The following PIGZ variants were observed in gnomAD, a reference collection of about 807,000 sequenced individuals.
The protein encoded by PIGZ is phosphatidylinositol glycan anchor biosynthesis class Z (Gwada blood group).
In PIGZ, 16 loss-of-function variants were observed where a neutral mutation model predicts 16.4. The ratio of observed to expected loss-of-function variants is 0.97; its 90% CI spans 0.66 to 1.48. The LOEUF is 1.48. PIGZ is among the 40% of genes most tolerant of loss of function. PIGZ has a pLI of 0.00. For missense variants in PIGZ, 770 were observed against 739.2 expected (o/e 1.04, Z -0.48); for synonymous variants, 409 against 338.4 (o/e 1.21, Z -2.29).
At position 196,965,252 on chromosome 3, in the gene PIGZ, C is replaced by G. The variant is rs1717880458; in HGVS notation, c.-1+3435G>C. ...TGCTGGGGAAGTTTCAGGAAACTTA[C>G]AGTCATAGCGGAAGGGGAAGCAGGC... On this transcript the variant is annotated intron_variant, in intron 1 of 2. Coordinates refer to ENST00000412723, the MANE Select transcript of PIGZ (RefSeq NM_025163.4). The surrounding 1 kb of genome is among the most constrained non-coding windows in gnomAD (Gnocchi z 4.2). Among the ~76,000 whole-genome samples the G allele has an allele frequency of 1.3e-5, 2 of 152,132 alleles. No individual in the cohort carries two copies. The highest frequency in any genetic ancestry group is 4.8e-5 in the African/African-American group (2 of 41,408).
chr3:196,962,475 G>A (rs1463431379), intron 1 of PIGZ, among the ~76,000 whole-genome samples: 1 of 152,166 alleles, frequency 6.6e-6, no homozygotes, highest in East Asian at 1.9e-4. Flanking sequence ...TAAAAGGTCT[G>A]TGCTGAGGAG....
rs921386507 is a variant in PIGZ at position 196,951,744 on chromosome 3, C to T, written c.211+77G>A. The T allele has an allele frequency of 6.8e-5, 95 of 1,403,214 alleles. 1 individual carries two copies. The highest frequency in any genetic ancestry group is 3.7e-5 in the Non-Finnish European group (37 of 1,004,458). The allele number at this position is 1,403,214 out of a possible 1,614,324, so 86.9% of individuals were successfully genotyped here. ...CTCATCTACCCAGACATGCTACTCC[C>T]TCCCCACAAAGTCTCCCGTCAGCTT... On this transcript the variant is annotated intron_variant, in intron 2 of 2. Transcript: ENST00000412723.
In PIGZ at chr3:196,947,915, C is replaced by T. The variant is rs780172338; in HGVS notation, c.982G>A (p.Val328Met). Reference protein sequence around the residue: ...LAVNGFLLFGVLHAQALQAAW... With the variant: ...LAVNGFLLFGMLHAQALQAAW... ...GCCTGCAGGGCCTGGGCATGCAGCA[C>T]CCCGAAGAGCAGGAAGCCGTTGACT... Residue 328 changes from valine to methionine, a missense_variant, in exon 3 of 3, where the codon GTG becomes ATG. Coordinates refer to ENST00000412723, the MANE Select transcript of PIGZ (RefSeq NM_025163.4). The T allele has an allele frequency of 3.1e-6, 5 of 1,613,824 alleles. No homozygotes were observed. In the African/African-American group the frequency reaches 5.3e-5, roughly 17 times the overall value.
In PIGZ at chr3:196,946,466, G is replaced by T. The variant is rs1716880063; in HGVS notation, c.*691C>A. ...CAACACAACTCCCACTTCCATGCTT[G>T]AAGAGCTTTGTGAGAGCTGTGCCTG... On this transcript the variant is annotated 3_prime_UTR_variant, in exon 3 of 3. Transcript: ENST00000412723. The T allele has an allele frequency of 6.6e-6, 1 of 152,272 alleles. No individual in the cohort carries two copies. Among genetic ancestry groups the T allele is most frequent in the Non-Finnish European group, 1.5e-5 (1 of 68,064 alleles). The allele number at this position is 152,272 out of a possible 1,614,324, so 9.4% of individuals were successfully genotyped here. A position where few individuals can be genotyped will look rare whatever the true frequency, so the allele number is the denominator to read the frequency against.
chr3:196,959,019 G>A (rs528462347), intron 1 of PIGZ, among the ~76,000 whole-genome samples: 62 of 152,314 alleles, frequency 4.1e-4, no homozygotes, highest in African/African-American at 1.3e-3. Flanking sequence ...GAGTGGGAAC[G>A]GAGGATGCTA....
intron 1 of PIGZ, among the ~76,000 whole-genome samples, chr3:196,956,598 C>T (rs1400578544): frequency 6.6e-6 from 1 of 152,228 alleles, no homozygotes; most frequent in African/African-American, 2.4e-5. Flanking sequence ...AACCATATCA[C>T]AGACCTTCTC....
chr3:196,948,594 AC>A lies in PIGZ; in HGVS notation c.302del (p.Gly101ValfsTer20), dbSNP rs1479394909. 6.4e-7 allele frequency: 1 copy of A among 1,574,386 alleles called. No homozygotes were observed. Among genetic ancestry groups the A allele is most frequent in the Admixed American group, 1.9e-5 (1 of 53,448 alleles). On this transcript the variant is annotated frameshift_variant, in exon 3 of 3. Coordinates refer to ENST00000412723, the MANE Select transcript of PIGZ (RefSeq NM_025163.4). LOFTEE classifies it low-confidence loss of function (END_TRUNC). The part of the protein sequence containing the change: ...RSVLFPLLIS[G>X]STFWLLRLWE... ...AGAGCCTGAGCAGCCAGAAGGTGGA[AC>A]CAGAGATCAGCAGGGGGAAGAGCAC...
chr3:196,966,482 T>A (rs1717931625), intron 1 of PIGZ, among the ~76,000 whole-genome samples: 1 of 152,208 alleles, frequency 6.6e-6, no homozygotes, highest in African/African-American at 2.4e-5. Flanking sequence ...TGTTGTCTGA[T>A]TATTTCTCTG....
chr3:196,952,982 C>T (rs1577887949), intron 1 of PIGZ, among the ~76,000 whole-genome samples: 2 of 152,174 alleles, frequency 1.3e-5, no homozygotes, highest in Non-Finnish European at 1.5e-5. Context: ...CTCAGGCCGT[C>T]GGACTAGGAC....
At position 196,948,032 on chromosome 3, in the gene PIGZ, G is replaced by A. The variant is rs371171579; in HGVS notation, c.865C>T (p.Leu289Phe). Residue 289 changes from leucine (L) to phenylalanine (F), a missense_variant, in exon 3 of 3, where the codon CTT becomes TTT. By Grantham distance (22) the Leu-to-Phe change is conservative. Coordinates refer to ENST00000412723, the MANE Select transcript of PIGZ (RefSeq NM_025163.4). ...YFSSPATSRN[L>F]VLTPVNFLHY... ...AAGAAGTTGACAGGTGTCAGGACAA[G>A]GTTCCTGGATGTAGCGGGGCTGGAG... The A allele has an allele frequency of 4.8e-5, 77 of 1,594,812 alleles. No individual in the cohort carries two copies. The Admixed American group carries it at 1.0e-3, about 22-fold the overall frequency.
chr3:196,951,055 C>A (rs1385357800), intron 2 of PIGZ, among the ~76,000 whole-genome samples: 1 of 152,208 alleles, frequency 6.6e-6, no homozygotes, highest in Non-Finnish European at 1.5e-5. Context: ...TCCTTTGACT[C>A]TTTTTCTGGG....
At chr3:196,960,713 A>G (rs1211635842) in intron 1 of PIGZ, among the ~76,000 whole-genome samples, 4 of 148,052 alleles carry the variant, frequency 2.7e-5, no homozygotes. Flanking sequence ...GAAAGGAAGG[A>G]AGGAAAGAAA....
At position 196,947,167 on chromosome 3, in the gene PIGZ, TC is replaced by T; in HGVS notation, c.1729del (p.Glu577LysfsTer17). On this transcript the variant is annotated frameshift_variant, in exon 3 of 3. Transcript: ENST00000412723. LOFTEE classifies it high-confidence loss of function. ...TGCTCTGTCATATTGTCAGGTTTCTTCCCCCAGCTCCACAATGTGAAGACTG... is the reference window on the plus strand; with the variant it reads ...TGCTCTGTCATATTGTCAGGTTTCTTCCCCAGCTCCACAATGTGAAGACTG... ...HLSLHIVELG[E>X]ET is the part of the protein sequence containing the mutation. 1 of 1,547,948 alleles carries T rather than the reference TC, an allele frequency of 6.5e-7. No homozygotes were observed. The highest frequency in any genetic ancestry group is 8.7e-7 in the Non-Finnish European group (1 of 1,145,694).
intron 1 of PIGZ, among the ~76,000 whole-genome samples, chr3:196,959,549 G>A (rs1423450093): frequency 2.6e-5 from 4 of 151,796 alleles, no homozygotes; most frequent in Non-Finnish European, 4.4e-5. Context: ...TAATAAACAC[G>A]TTCATCTCTC....
intron 1 of PIGZ, among the ~76,000 whole-genome samples, chr3:196,960,985 T>C (rs981755361): frequency 1.2e-4 from 19 of 152,218 alleles, no homozygotes; most frequent in Non-Finnish European, 2.8e-4. Context: ...AAGTTGGTCA[T>C]TAAATGAGAG....
intron 1 of PIGZ, among the ~76,000 whole-genome samples, chr3:196,963,201 T>G (rs1164993988): frequency 6.6e-6 from 1 of 152,232 alleles, no homozygotes; most frequent in African/African-American, 2.4e-5. Flanking sequence ...TGCCCATTCA[T>G]CCATTGATGA....
chr3:196,950,646 G>A (rs572489698), intron 2 of PIGZ, among the ~76,000 whole-genome samples: 5 of 152,150 alleles, frequency 3.3e-5, no homozygotes, highest in Non-Finnish European at 7.3e-5. Context: ...AGGGAAAGAA[G>A]ATGAGCCTTT....
rs1421845168 is a variant in PIGZ, at chr3:196,965,784, A to T, written c.-1+2903T>A. On this transcript the variant is annotated intron_variant, in intron 1 of 2. Transcript: ENST00000412723. The surrounding 1 kb of genome is among the most constrained non-coding windows in gnomAD (Gnocchi z 4.2). ...CCTCCTTTGTTAACCAGTGTGTCAT[A>T]TAACAGCAATCATTTTCTGTGGATG... 6.6e-6 allele frequency among the ~76,000 whole-genome samples: 1 copy of T among 152,180 alleles called. No individual in the cohort carries two copies. Among genetic ancestry groups the T allele is most frequent in the Non-Finnish European group, 1.5e-5 (1 of 68,038 alleles).
chr3:196,949,240 C>CT (rs1462726074), intron 2 of PIGZ, among the ~76,000 whole-genome samples: 9 of 151,870 alleles, frequency 5.9e-5, no homozygotes, highest in African/African-American at 2.2e-4. Context: ...GCAGGATGGA[C>CT]TGTATCCTGA....
Sources: allele counts gnomAD v4.1 joint callset (sites outside exome capture counted in the v4.1 genomes callset), GRCh38; gene constraint gnomAD v4.1.1; non-coding constraint Gnocchi (gnomAD v3.1); transcripts MANE v1.5; gene names NCBI Gene and HGNC (gene_info 2026-07-23, HGNC 2026-07-21).